The following CSMD1 variants were observed in gnomAD, a reference collection of about 807,000 sequenced individuals.
CSMD1 encodes CUB and Sushi multiple domains 1.
In CSMD1, 213 loss-of-function variants were observed where a neutral mutation model predicts 417.5. That is an observed-to-expected ratio of 0.51 (90% CI 0.46 to 0.57). CSMD1 has a LOEUF of 0.57. Among genes scored for constraint, CSMD1 ranks in the 20% least tolerant of loss-of-function variants. The pLI, the probability that CSMD1 is intolerant of heterozygous loss-of-function variation, is 0.00. For missense variants in CSMD1, 6,923 were observed against 4,529.7 expected (o/e 1.53, Z -15.17); for synonymous variants, 2,862 against 1,736.8 (o/e 1.65, Z -16.11).
rs555718513 is a variant in CSMD1, at chr8:4,752,698, A to T, written c.86-115140T>A. On this transcript the variant is annotated intron_variant, in intron 1 of 69. Transcript: ENST00000635120. ...ATGGTGAAATGGGATTGCTCTACAC[A>T]GGGGTGGTTTACCTTTGGGGCAACG... 4.1e-3 allele frequency among the ~76,000 whole-genome samples: 620 copies of T among 152,304 alleles called. 8 individuals carry two copies. Among genetic ancestry groups the T allele is most frequent in the Middle Eastern group, 0.017 (5 of 294 alleles).
intron 35 of CSMD1, among the ~76,000 whole-genome samples, chr8:3,188,478 T>C (rs1796220041): frequency 6.6e-6 from 1 of 151,702 alleles, no homozygotes; most frequent in Admixed American, 6.6e-5. Context: ...GGCTAGTTTT[T>C]ATATTTTTAG....
At chr8:4,381,100 A>G (rs1227444752) in intron 3 of CSMD1, among the ~76,000 whole-genome samples, 1 of 152,192 alleles carries the variant, frequency 6.6e-6, no homozygotes, top group Non-Finnish European at 1.5e-5. Flanking sequence ...GGTTTTAGCC[A>G]TTACTTTTGC....
At chr8:3,857,882 A>G (rs1804424721) in intron 5 of CSMD1, among the ~76,000 whole-genome samples, 1 of 152,250 alleles carries the variant, frequency 6.6e-6, no homozygotes, top group African/African-American at 2.4e-5. Flanking sequence ...GTGATATGTA[A>G]CAGGGATTGC....
chr8:4,432,440 G>T (rs887193187), intron 2 of CSMD1, among the ~76,000 whole-genome samples: 2 of 152,234 alleles, frequency 1.3e-5, no homozygotes, highest in African/African-American at 2.4e-5. Context: ...CTGGTGAAAA[G>T]AAATGGACTA....
At chr8:4,161,518 G>C (rs530513001) in intron 3 of CSMD1, among the ~76,000 whole-genome samples, 1 of 152,156 alleles carries the variant, frequency 6.6e-6, no homozygotes, top group Admixed American at 6.5e-5. Context: ...AACCCAAGCT[G>C]AACACGCAAA....
intron 7 of CSMD1, among the ~76,000 whole-genome samples, chr8:3,628,030 A>G (rs1796581706): frequency 6.6e-6 from 1 of 152,206 alleles, no homozygotes; most frequent in Admixed American, 6.5e-5. Flanking sequence ...TCAAAAGGGC[A>G]ATGTAATATA....
chr8:3,384,698 AAT>A (rs1320243590), intron 18 of CSMD1, among the ~76,000 whole-genome samples: 17 of 109,120 alleles, frequency 1.6e-4, no homozygotes, highest in Admixed American at 4.1e-4. Context: ...TATTTATATA[AAT>A]TATATATAAA....
At chr8:3,989,960 C>T (rs1471128030) in intron 5 of CSMD1, among the ~76,000 whole-genome samples, 1 of 152,166 alleles carries the variant, frequency 6.6e-6, no homozygotes, top group Non-Finnish European at 1.5e-5. Context: ...TCAAGAGAAA[C>T]TCTAAATGAA....
At chr8:3,475,516 T>C (rs550006718) in intron 11 of CSMD1, among the ~76,000 whole-genome samples, 2 of 152,226 alleles carry the variant, frequency 1.3e-5, no homozygotes, top group Non-Finnish European at 2.9e-5. Flanking sequence ...GATGGCTCTG[T>C]CATTAATTCA....
chr8:4,193,923 T>A (rs113485315), intron 3 of CSMD1, among the ~76,000 whole-genome samples: 11 of 151,826 alleles, frequency 7.2e-5, no homozygotes, highest in Non-Finnish European at 1.5e-4. Flanking sequence ...GAAAGTACAA[T>A]GTTTAATGGT....
In CSMD1 at chr8:3,359,457, T is replaced by C. The variant is rs898160804; in HGVS notation, c.3116-117A>G. 7.8e-6 allele frequency: 6 copies of C among 772,136 alleles called. No homozygotes were observed. The African/African-American group carries it at 8.8e-5, about 11-fold the overall frequency. The allele number at this position is 772,136 out of a possible 1,614,324, so 47.8% of individuals were successfully genotyped here. ...AAAAAAAAAAAACCTACATATATAT[T>C]TTCCCCAAACACTTATAACTGTTAC... On this transcript the variant is annotated intron_variant, in intron 20 of 69. Transcript: ENST00000635120.
intron 12 of CSMD1, among the ~76,000 whole-genome samples, chr8:3,413,333 G>C (rs945976293): frequency 2.0e-5 from 3 of 152,122 alleles, no homozygotes; most frequent in African/African-American, 7.2e-5. Flanking sequence ...TTAAATGAGG[G>C]TGAGGGTCTT....
At chr8:3,267,639 G>A (rs1410300645) in intron 26 of CSMD1, among the ~76,000 whole-genome samples, 1 of 152,324 alleles carries the variant, frequency 6.6e-6, no homozygotes, top group East Asian at 1.9e-4. Context: ...CCCGGCAAAA[G>A]CAAAGAGCCA....
At chr8:3,749,693 T>A (rs2720849) in intron 6 of CSMD1, among the ~76,000 whole-genome samples, 1 of 152,104 alleles carries the variant, frequency 6.6e-6, no homozygotes, top group African/African-American at 2.4e-5. Context: ...AGACCACCAG[T>A]GGGCTGATTT....
intron 11 of CSMD1, among the ~76,000 whole-genome samples, chr8:3,492,335 T>C (rs1818430600): frequency 6.6e-6 from 1 of 152,026 alleles, no homozygotes; most frequent in African/African-American, 2.4e-5. Context: ...TCCCCATGGG[T>C]GTCTCACATA....
chr8:3,960,206 G>T (rs1037548426), intron 5 of CSMD1, among the ~76,000 whole-genome samples: 1 of 152,072 alleles, frequency 6.6e-6, no homozygotes, highest in African/African-American at 2.4e-5. Flanking sequence ...TTTCAATCAT[G>T]GAATCTATTT....
intron 3 of CSMD1, among the ~76,000 whole-genome samples, chr8:4,110,141 G>A (rs566358822): frequency 1.3e-5 from 2 of 152,060 alleles, no homozygotes; most frequent in African/African-American, 4.8e-5. Context: ...AGAATAATAA[G>A]GTTTAAATAT....
At chr8:4,222,649 G>A (rs988722581) in intron 3 of CSMD1, among the ~76,000 whole-genome samples, 1 of 152,176 alleles carries the variant, frequency 6.6e-6, no homozygotes, top group Non-Finnish European at 1.5e-5. Flanking sequence ...CTGAATCAAT[G>A]TGACGGCAGA....
intron 23 of CSMD1, among the ~76,000 whole-genome samples, chr8:3,334,342 C>G (rs1156566424): frequency 6.6e-6 from 1 of 152,184 alleles, no homozygotes; most frequent in East Asian, 1.9e-4. Context: ...AATATTTTCT[C>G]CTTGTTTTCA....
Sources: allele counts gnomAD v4.1 joint callset (sites outside exome capture counted in the v4.1 genomes callset), GRCh38; gene constraint gnomAD v4.1.1; transcripts MANE v1.5; gene names NCBI Gene and HGNC (gene_info 2026-07-23, HGNC 2026-07-21).